The following ITPR2 variants were observed in gnomAD, a reference collection of about 807,000 sequenced individuals.
ITPR2 encodes the protein inositol 1,4,5-trisphosphate-gated calcium channel ITPR2.
In ITPR2, 207 loss-of-function variants were observed where a neutral mutation model predicts 317.1. The ratio of observed to expected loss-of-function variants is 0.65; its 90% CI spans 0.58 to 0.73. The LOEUF is 0.73. ITPR2 is among the 30% of genes least tolerant of loss of function. ITPR2 has a pLI of 0.00. For missense variants in ITPR2, 2,613 were observed against 3,284.0 expected, an observed-to-expected ratio of 0.80 and a Z score of 4.99; for synonymous variants, 1,156 against 1,149.1, an observed-to-expected ratio of 1.01 and a Z score of -0.12.
At chr12:26,497,315 A>C (rs61914031) in intron 37 of ITPR2, among the ~76,000 whole-genome samples, 1 of 151,378 alleles carries the variant, frequency 6.6e-6, no homozygotes. Flanking sequence ...CACCACACCC[A>C]GCTAATTTTT....
chr12:26,663,262 A>G (rs1947542550), intron 15 of ITPR2, among the ~76,000 whole-genome samples: 1 of 152,148 alleles, frequency 6.6e-6, no homozygotes, highest in Non-Finnish European at 1.5e-5. Flanking sequence ...GTGAATTCCC[A>G]TAACTCTATC....
intron 1 of ITPR2, among the ~76,000 whole-genome samples, chr12:26,792,667 G>T (rs1592136297): frequency 1.3e-5 from 2 of 152,154 alleles, no homozygotes; most frequent in East Asian, 3.9e-4. Context: ...GCATCTACTA[G>T]AATGAGGTGC....
In ITPR2 at chr12:26,802,759, C is replaced by T. The variant is rs181941738; in HGVS notation, c.93-12532G>A. 1.1e-4 allele frequency among the ~76,000 whole-genome samples: 16 copies of T among 152,010 alleles called. No homozygotes were observed. The East Asian group carries it at 2.5e-3, about 24-fold the overall frequency. On this transcript the variant is annotated intron_variant, in intron 1 of 56. Transcript: ENST00000381340. ...AAGTGTTTCACTGCTTTAAGATATA[C>T]AAATTCTAAATGTATATGTAACAGC...
intron 13 of ITPR2, among the ~76,000 whole-genome samples, chr12:26,677,797 C>T (rs544400344): frequency 6.6e-6 from 1 of 152,042 alleles, no homozygotes; most frequent in Non-Finnish European, 1.5e-5. Flanking sequence ...AAATATTAAA[C>T]AAAAGATTGC....
chr12:26,556,510 C>T, intron 35 of ITPR2, 135 bp from the exon 36 acceptor site: 2 of 814,248 alleles, frequency 2.5e-6, no homozygotes, highest in Non-Finnish European at 3.7e-6. Flanking sequence ...AATGTCTGTG[C>T]CATAATTATA....
rs1189269567 is a variant in ITPR2, at chr12:26,336,228, C to T, written c.*3169G>A. Among the ~76,000 whole-genome samples the T allele has an allele frequency of 6.6e-6, 1 of 152,318 alleles. No individual in the cohort carries two copies. The highest frequency in any genetic ancestry group is 2.1e-4 in the South Asian group (1 of 4,824). On this transcript the variant is annotated 3_prime_UTR_variant, in exon 57 of 57. Coordinates refer to ENST00000381340, the MANE Select transcript of ITPR2 (RefSeq NM_002223.4). ...TCTCACCAACTCCCCAGCCTCCCCACTCATTCTCAGTCCTGGGGACTGGGG... is the reference window on the plus strand; with the variant it reads ...TCTCACCAACTCCCCAGCCTCCCCATTCATTCTCAGTCCTGGGGACTGGGG...
At chr12:26,738,072 C>T (rs1024474073) in intron 2 of ITPR2, among the ~76,000 whole-genome samples, 1 of 152,134 alleles carries the variant, frequency 6.6e-6, no homozygotes, top group Non-Finnish European at 1.5e-5. Flanking sequence ...ACTGAGCACT[C>T]TATGCCAAGT....
intron 55 of ITPR2, among the ~76,000 whole-genome samples, chr12:26,365,231 C>A (rs1203409107): frequency 1.3e-5 from 2 of 152,090 alleles, no homozygotes; most frequent in Admixed American, 6.5e-5. Context: ...AACGGTGTCA[C>A]TACAAAGAAT....
At chr12:26,399,065 AT>A (rs1565505010) in intron 53 of ITPR2, 24 bp from the exon 54 acceptor site, 1 of 1,531,244 alleles carries the variant, frequency 6.5e-7, no homozygotes, top group Admixed American at 2.2e-5. Context: ...ATTTAAAAAA[AT>A]CACACTAGGC....
intron 1 of ITPR2, among the ~76,000 whole-genome samples, chr12:26,808,250 C>A (rs7316303): frequency 6.6e-6 from 1 of 152,050 alleles, no homozygotes; most frequent in African/African-American, 2.4e-5. Context: ...AAAGCCAGAT[C>A]CCTCTCTTGA....
intron 2 of ITPR2, among the ~76,000 whole-genome samples, chr12:26,736,479 TAGAG>T (rs1297099565): frequency 6.6e-6 from 1 of 152,124 alleles, no homozygotes; most frequent in East Asian, 1.9e-4. Flanking sequence ...TGGTACATGA[TAGAG>T]AGGAGCACCA....
intron 10 of ITPR2, among the ~76,000 whole-genome samples, chr12:26,694,843 G>A (rs1046891028): frequency 6.6e-6 from 1 of 152,092 alleles, no homozygotes; most frequent in Non-Finnish European, 1.5e-5. Flanking sequence ...TATGTTAAAG[G>A]TTTCATTGGG....
intron 23 of ITPR2, 26 bp downstream of exon 23, chr12:26,628,007 G>T (rs1389854578): frequency 1.1e-5 from 18 of 1,573,256 alleles, no homozygotes; most frequent in Non-Finnish European, 1.5e-5. Flanking sequence ...AAAATAAAAA[G>T]AGTAAATACT....
intron 45 of ITPR2, among the ~76,000 whole-genome samples, chr12:26,466,202 C>T (rs1942167191): frequency 6.6e-6 from 1 of 152,114 alleles, no homozygotes; most frequent in South Asian, 2.1e-4. Flanking sequence ...TGATCATTGT[C>T]CCTGAGGACC....
At chr12:26,813,923 A>T (rs569064366) in intron 1 of ITPR2, among the ~76,000 whole-genome samples, 16 of 152,300 alleles carry the variant, frequency 1.1e-4, no homozygotes, top group African/African-American at 3.9e-4. Flanking sequence ...GCCACAGTGT[A>T]CATGTGTTGT....
chr12:26,349,222 G>T (rs1938403198), intron 55 of ITPR2, among the ~76,000 whole-genome samples: 1 of 152,158 alleles, frequency 6.6e-6, no homozygotes, highest in Non-Finnish European at 1.5e-5. Flanking sequence ...CTAAAAACAG[G>T]GTTAGGGTTA....
chr12:26,525,735 C>A (rs1369558852), intron 37 of ITPR2, among the ~76,000 whole-genome samples: 3 of 152,312 alleles, frequency 2.0e-5, no homozygotes, highest in Middle Eastern at 3.4e-3. Flanking sequence ...CTTGTTCTCC[C>A]TACTATGCCC....
Position 26,497,462 on chromosome 12 carries a change from A to G in ITPR2, c.5074-2202T>C, listed in dbSNP as rs191376972. Among the ~76,000 whole-genome samples the G allele has an allele frequency of 2.4e-3, 89 of 36,928 alleles. 3 individuals are homozygous for G. Among genetic ancestry groups the G allele is most frequent in the Admixed American group, 0.012 (67 of 5,530 alleles). The allele number at this position is 36,928 out of a possible 152,430, so 24.2% of individuals were successfully genotyped here. ...AGCCACCGTGCCCACAAAGCCTTCT[A>G]TGTCTTACCTTTACTCCTATGATAT... On this transcript the variant is annotated intron_variant, in intron 37 of 56. Transcript: ENST00000381340.
intron 1 of ITPR2, among the ~76,000 whole-genome samples, chr12:26,820,369 T>G (rs943583099): frequency 1.3e-5 from 2 of 152,182 alleles, no homozygotes; most frequent in African/African-American, 4.8e-5. Context: ...GCAACAAATA[T>G]TTATTAATAT....
Sources: gnomAD v4.1 joint callset for allele counts (sites outside exome capture counted in the v4.1 genomes callset) on GRCh38, gnomAD v4.1.1 for gene constraint, MANE v1.5 for transcripts, NCBI Gene and HGNC (gene_info 2026-07-23, HGNC 2026-07-21) for gene names.